FHIT: variants seen among roughly 807,000 people sequenced by gnomAD.
FHIT encodes the protein fragile histidine triad diadenosine triphosphatase.
Under a neutral mutation model 17.9 loss-of-function variants are expected in FHIT, and 19 were observed. That is an observed-to-expected ratio of 1.06 (90% CI 0.74 to 1.56). The LOEUF is 1.56. Among genes scored for constraint, FHIT ranks in the 40% most tolerant of loss-of-function variants. The pLI, the probability that FHIT is intolerant of heterozygous loss-of-function variation, is 0.00. For missense variants in FHIT, 248 were observed against 189.2 expected (o/e 1.31, Z -1.82); for synonymous variants, 81 against 69.7 (o/e 1.16, Z -0.81).
intron 5 of FHIT, among the ~76,000 whole-genome samples, chr3:60,214,607 A>G (rs577787866): frequency 6.6e-6 from 1 of 152,252 alleles, no homozygotes; most frequent in South Asian, 2.1e-4. Context: ...CAGTGTGGAA[A>G]TTTCTCAAAG....
chr3:60,138,862 C>A (rs1699921750), intron 5 of FHIT, among the ~76,000 whole-genome samples: 1 of 152,046 alleles, frequency 6.6e-6, no homozygotes, highest in African/African-American at 2.4e-5. Flanking sequence ...AGTAGACTGT[C>A]TGAATTATGA....
At chr3:60,453,048 T>C (rs1233535004) in intron 5 of FHIT, among the ~76,000 whole-genome samples, 2 of 152,184 alleles carry the variant, frequency 1.3e-5, no homozygotes. Flanking sequence ...AACACTTCCT[T>C]TAGGAAATGC....
intron 5 of FHIT, among the ~76,000 whole-genome samples, chr3:60,522,856 CA>C (rs2035425293): frequency 6.6e-6 from 1 of 152,058 alleles, no homozygotes; most frequent in African/African-American, 2.4e-5. Context: ...CTTTGTGACC[CA>C]TCTGTTTTTG....
intron 4 of FHIT, among the ~76,000 whole-genome samples, chr3:60,813,598 A>G (rs142332818): frequency 6.6e-6 from 1 of 152,280 alleles, no homozygotes; most frequent in East Asian, 1.9e-4. Context: ...AGTTATACTG[A>G]GATCTCTATA....
intron 5 of FHIT, among the ~76,000 whole-genome samples, chr3:60,145,853 G>A (rs991980111): frequency 1.3e-5 from 2 of 152,124 alleles, no homozygotes; most frequent in East Asian, 1.9e-4. Flanking sequence ...TCACAAAACA[G>A]ATTTTATTGT....
intron 1 of FHIT, among the ~76,000 whole-genome samples, chr3:61,209,755 G>A (rs9845924): frequency 0.14 from 20,584 of 151,964 alleles, 1,521 homozygotes; most frequent in Non-Finnish European, 0.15. Flanking sequence ...CCATTGGTTC[G>A]AACTTCCTCC....
chr3:59,803,063 A>G (rs1481354522), intron 8 of FHIT, among the ~76,000 whole-genome samples: 1 of 152,170 alleles, frequency 6.6e-6, no homozygotes, highest in African/African-American at 2.4e-5. Context: ...TGGTGCATAC[A>G]TACCAGGCAC....
At chr3:59,984,508 GTTCCTAAAGTCAATAA>G (rs1708806454) in intron 7 of FHIT, among the ~76,000 whole-genome samples, 1 of 151,982 alleles carries the variant, frequency 6.6e-6, no homozygotes, top group Admixed American at 6.6e-5. Flanking sequence ...GCTAAACATT[GTTCCTAAAGTCAATAA>G]TTCCTGACAC....
At chr3:60,461,861 G>A (rs1171400875) in intron 5 of FHIT, among the ~76,000 whole-genome samples, 2 of 152,112 alleles carry the variant, frequency 1.3e-5, no homozygotes, top group Non-Finnish European at 2.9e-5. Context: ...GATACACTGA[G>A]CTTCCAAATA....
At chr3:61,158,039 C>T (rs1002497454) in intron 2 of FHIT, among the ~76,000 whole-genome samples, 3 of 151,988 alleles carry the variant, frequency 2.0e-5, no homozygotes, top group African/African-American at 4.8e-5. Context: ...GAGTCATGAA[C>T]CAAACTTATA....
chr3:60,928,367 TA>T (rs34316880), intron 3 of FHIT, among the ~76,000 whole-genome samples: 22 of 131,598 alleles, frequency 1.7e-4, no homozygotes, highest in South Asian at 2.5e-4. Context: ...GAAAGAACTT[TA>T]AAAAAAAAAA....
At chr3:61,092,835 A>G (rs567767610) in intron 2 of FHIT, among the ~76,000 whole-genome samples, 23 of 152,336 alleles carry the variant, frequency 1.5e-4, no homozygotes, top group Non-Finnish European at 1.3e-4. Flanking sequence ...AAAAGCAAGA[A>G]TGTAAGAATA....
At chr3:60,429,628 C>G (rs1702802124) in intron 5 of FHIT, among the ~76,000 whole-genome samples, 1 of 151,950 alleles carries the variant, frequency 6.6e-6, no homozygotes, top group Non-Finnish European at 1.5e-5. Flanking sequence ...AGATGATGCT[C>G]TAATAAGGCT....
chr3:60,572,744 G>T (rs1337321884), intron 4 of FHIT, among the ~76,000 whole-genome samples: 3 of 152,118 alleles, frequency 2.0e-5, no homozygotes, highest in Admixed American at 2.0e-4. Context: ...TGGGAGACAG[G>T]GTCAGATTCA....
At chr3:59,928,398 T>C (rs954021280) in intron 7 of FHIT, among the ~76,000 whole-genome samples, 2 of 152,088 alleles carry the variant, frequency 1.3e-5, no homozygotes, top group African/African-American at 2.4e-5. Flanking sequence ...AGGGTGAACA[T>C]CATCAAAATT....
intron 5 of FHIT, among the ~76,000 whole-genome samples, chr3:60,157,051 G>T (rs1020864230): frequency 2.0e-5 from 3 of 151,682 alleles, no homozygotes; most frequent in East Asian, 3.9e-4. Flanking sequence ...ATACATTTTT[G>T]ATTAATAAAT....
intron 4 of FHIT, among the ~76,000 whole-genome samples, chr3:60,694,919 T>G (rs2041080269): frequency 6.6e-6 from 1 of 150,400 alleles, no homozygotes; most frequent in African/African-American, 2.5e-5. Flanking sequence ...TGTTGTGGGG[T>G]GTGGGGGTGG....
At chr3:60,190,004 C>T (rs980654220) in intron 5 of FHIT, among the ~76,000 whole-genome samples, 2 of 152,136 alleles carry the variant, frequency 1.3e-5, no homozygotes, top group African/African-American at 4.8e-5. Flanking sequence ...TGCATTTAGG[C>T]CAGTTAATGA....
intron 5 of FHIT, among the ~76,000 whole-genome samples, chr3:60,231,091 C>A (rs1429137083): frequency 1.3e-5 from 2 of 152,176 alleles, no homozygotes; most frequent in East Asian, 1.9e-4. Context: ...GAGGTTTGGT[C>A]AAATACGCCA....
Sources: gnomAD v4.1 joint callset for allele counts (sites outside exome capture counted in the v4.1 genomes callset) on GRCh38, gnomAD v4.1.1 for gene constraint, MANE v1.5 for transcripts, NCBI Gene and HGNC (gene_info 2026-07-23, HGNC 2026-07-21) for gene names.